The following MCTP1 variants were observed in gnomAD, a reference collection of about 807,000 sequenced individuals.
MCTP1 encodes multiple C2 and transmembrane domain-containing protein 1.
A neutral mutation model predicts 120.6 loss-of-function variants in MCTP1; 69 were observed. The observed-to-expected ratio is 0.57, with a 90% CI of 0.47 to 0.70. The LOEUF (loss-of-function observed/expected upper bound fraction) is 0.70, where lower values mean the gene tolerates loss of function less well. Among genes scored for constraint, MCTP1 ranks in the 30% least tolerant of loss-of-function variants. The pLI, the probability that MCTP1 is intolerant of heterozygous loss-of-function variation, is 0.00. For missense variants in MCTP1, 1,203 were observed against 1,248.8 expected (o/e 0.96, Z 0.55); for synonymous variants, 529 against 493.1 (o/e 1.07, Z -0.96).
chr5:95,070,814 C>G (rs1038968794), intron 1 of MCTP1, among the ~76,000 whole-genome samples: 1 of 152,124 alleles, frequency 6.6e-6, no homozygotes, highest in African/African-American at 2.4e-5. Flanking sequence ...GTAGGAACAA[C>G]AAAGTTTAAG....
At chr5:95,242,554 C>T (rs914504594) in intron 1 of MCTP1, among the ~76,000 whole-genome samples, 5 of 152,062 alleles carry the variant, frequency 3.3e-5, no homozygotes, top group Non-Finnish European at 5.9e-5. Flanking sequence ...TGGAATACTA[C>T]TCAGCAAGAA....
At chr5:94,749,654 C>CAAAAAAAAAAA (rs57404381) in intron 19 of MCTP1, among the ~76,000 whole-genome samples, 7 of 50,960 alleles carry the variant, frequency 1.4e-4, no homozygotes, top group South Asian at 1.2e-3. Context: ...GACTTCATCT[C>CAAAAAAAAAAA]AAAAAAAAAA....
chr5:94,778,812 A>C (rs1775968854), intron 19 of MCTP1, among the ~76,000 whole-genome samples: 1 of 152,186 alleles, frequency 6.6e-6, no homozygotes, highest in African/African-American at 2.4e-5. Flanking sequence ...TTTGCCCTTC[A>C]ACAACAGTCA....
intron 7 of MCTP1, among the ~76,000 whole-genome samples, chr5:94,920,611 G>A (rs775293913): frequency 2.0e-5 from 3 of 151,998 alleles, no homozygotes; most frequent in East Asian, 1.9e-4. Flanking sequence ...GCTTGGTGGC[G>A]GGCGCTTGTA....
intron 2 of MCTP1, among the ~76,000 whole-genome samples, chr5:94,995,338 C>G (rs181329673): frequency 2.1e-3 from 327 of 152,208 alleles, no homozygotes; most frequent in Non-Finnish European, 2.9e-3. Context: ...AGTGTGGGTA[C>G]CAAACTTTGA....
In MCTP1 at chr5:94,972,410, C is replaced by T. The variant is rs973253769; in HGVS notation, c.839-19049G>A. Among the ~76,000 whole-genome samples, 10 of 152,070 alleles carry T rather than the reference C, an allele frequency of 6.6e-5. No homozygotes were observed. The East Asian group carries it at 1.4e-3, about 21-fold the overall frequency. ...TGAATAGAGTCTCTGTGAGTTTTAG[C>T]GGAATGCCTGGTCCTCCCTTCAGAG... On this transcript the variant is annotated intron_variant, in intron 2 of 22. Coordinates refer to ENST00000515393, the MANE Select transcript of MCTP1 (RefSeq NM_024717.7).
chr5:95,162,131 C>T (rs527236758), intron 1 of MCTP1, among the ~76,000 whole-genome samples: 7 of 152,114 alleles, frequency 4.6e-5, no homozygotes, highest in East Asian at 1.9e-4. Flanking sequence ...TGCACTGAGA[C>T]GATAAGTAGG....
chr5:95,011,404 T>C (rs1489010338), intron 2 of MCTP1, among the ~76,000 whole-genome samples: 1 of 152,170 alleles, frequency 6.6e-6, no homozygotes, highest in Non-Finnish European at 1.5e-5. Context: ...TCTTATTCTA[T>C]GGGTTTTACT....
At chr5:94,894,328 A>C (rs1038704110) in intron 11 of MCTP1, among the ~76,000 whole-genome samples, 1 of 152,220 alleles carries the variant, frequency 6.6e-6, no homozygotes, top group Non-Finnish European at 1.5e-5. Context: ...AGAATCAATA[A>C]ATTAATTTTA....
At chr5:95,098,625 T>G (rs531432381) in intron 1 of MCTP1, among the ~76,000 whole-genome samples, 10 of 151,426 alleles carry the variant, frequency 6.6e-5, no homozygotes, top group Non-Finnish European at 1.2e-4. Context: ...TAAAAGAGGA[T>G]ACAAACAAAT....
chr5:95,235,655 T>C (rs553421627), intron 1 of MCTP1, among the ~76,000 whole-genome samples: 4 of 152,302 alleles, frequency 2.6e-5, no homozygotes, highest in South Asian at 2.1e-4. Flanking sequence ...AATGAAAATG[T>C]AACTGTATCA....
chr5:94,792,650 A>G (rs1779223930), intron 18 of MCTP1: 1 of 152,748 alleles, frequency 6.5e-6, no homozygotes, highest in Non-Finnish European at 1.5e-5. Context: ...CCTTTTGCTC[A>G]ATAAACACTG....
intron 1 of MCTP1, among the ~76,000 whole-genome samples, chr5:95,156,492 C>T (rs1440796774): frequency 6.6e-6 from 1 of 152,172 alleles, no homozygotes; most frequent in Non-Finnish European, 1.5e-5. Context: ...AAGCAATGAT[C>T]CCCATTCTCT....
intron 18 of MCTP1, among the ~76,000 whole-genome samples, chr5:94,793,810 T>C (rs1198798006): frequency 6.6e-6 from 1 of 152,256 alleles, no homozygotes; most frequent in Non-Finnish European, 1.5e-5. Flanking sequence ...GCTTGATTTA[T>C]AGGAGTTCAA....
intron 1 of MCTP1, among the ~76,000 whole-genome samples, chr5:95,277,280 C>G (rs995494598): frequency 6.6e-6 from 1 of 152,126 alleles, no homozygotes; most frequent in Admixed American, 6.5e-5. Flanking sequence ...ATGGCAGCCA[C>G]TTAGTAGGTA....
Position 94,912,973 on chromosome 5 carries a change from G to C in MCTP1, c.1354C>G (p.Gln452Glu). The change falls in exon 9 of 23, where the codon CAG becomes GAG. Residue 452 changes from glutamine (Q) to glutamate (E), a missense_variant. Physicochemically the swap from Gln to Glu is conservative, Grantham distance 29. Around this residue, in one of 2 missense-constraint regions of MCTP1, gnomAD observed 740 missense variants for 871.1 expected, o/e 0.85. Coordinates refer to ENST00000515393, the MANE Select transcript of MCTP1 (RefSeq NM_024717.7). ...QNPYCKNVQF[Q>E]TQSLRLSDLH... Reference sequence around the variant, plus strand: ...TCTGATAGGCGTAAACTTTGGGTCTGAAACTTTTGGCAAATGAAAATTGAG... The same window carrying C: ...TCTGATAGGCGTAAACTTTGGGTCTCAAACTTTTGGCAAATGAAAATTGAG... The C allele has an allele frequency of 6.3e-7, 1 of 1,584,666 alleles. No individual in the cohort carries two copies. Among genetic ancestry groups the C allele is most frequent in the Non-Finnish European group, 8.6e-7 (1 of 1,168,132 alleles).
At chr5:95,063,029 G>C (rs1037082207) in intron 1 of MCTP1, among the ~76,000 whole-genome samples, 2 of 152,066 alleles carry the variant, frequency 1.3e-5, no homozygotes, top group African/African-American at 4.8e-5. Flanking sequence ...TGTTGCCCAG[G>C]CTGGTCTGGA....
At chr5:94,804,600 G>A (rs980279927) in intron 17 of MCTP1, among the ~76,000 whole-genome samples, 9 of 152,012 alleles carry the variant, frequency 5.9e-5, no homozygotes, top group East Asian at 1.9e-4. Flanking sequence ...CACCACGCCC[G>A]GCTAATTTTT....
chr5:95,020,127 C>G (rs570077210), intron 1 of MCTP1, among the ~76,000 whole-genome samples: 1 of 152,182 alleles, frequency 6.6e-6, no homozygotes, highest in South Asian at 2.1e-4. Flanking sequence ...CCTGCATCTT[C>G]CTCTACTGTT....
Sources: gnomAD v4.1 joint callset for allele counts (sites outside exome capture counted in the v4.1 genomes callset) on GRCh38, gnomAD v4.1.1 for gene constraint, gnomAD v4.1.1 regional missense constraint, MANE v1.5 for transcripts, NCBI Gene and HGNC (gene_info 2026-07-23, HGNC 2026-07-21) for gene names.